The following RNF4 variants were observed in gnomAD, a reference collection of about 807,000 sequenced individuals.
The protein encoded by RNF4 is ring finger protein 4, also known as E3 ubiquitin-protein ligase RNF4.
A neutral mutation model predicts 24.3 loss-of-function variants in RNF4; 7 were observed. The observed-to-expected ratio is 0.29, with a 90% CI of 0.16 to 0.54. The LOEUF (loss-of-function observed/expected upper bound fraction) is 0.54. Among genes scored for constraint, RNF4 ranks in the 20% least tolerant of loss-of-function variants. The probability of loss-of-function intolerance (pLI) is 0.95; values close to 1 mark genes in which losing one functional copy is unlikely to be tolerated. For missense variants in RNF4, 209 were observed against 248.5 expected, an observed-to-expected ratio of 0.84 and a Z score of 1.07; for synonymous variants, 83 against 84.3, an observed-to-expected ratio of 0.98 and a Z score of 0.09.
chr4:2,511,634 G>A (rs1038981716), intron 4 of RNF4, among the ~76,000 whole-genome samples: 4 of 149,316 alleles, frequency 2.7e-5, no homozygotes, highest in African/African-American at 9.9e-5. Flanking sequence ...GCAGCCCCCA[G>A]ATAGTAAGGA....
At chr4:2,499,221 C>T in intron 3 of RNF4, 3 of 422,562 alleles carry the variant, frequency 7.1e-6, no homozygotes, top group South Asian at 5.1e-5. Flanking sequence ...AAATGCATTA[C>T]AAGACACTTT....
chr4:2,512,715 C>G lies in RNF4; in HGVS notation c.374+118C>G. ...CTGGAAGGGCTTGCCCAAGCCTCTA[C>G]CCAGCATCTGGATACAGTTGGAACT... On this transcript the variant is annotated intron_variant, in intron 6 of 7. Coordinates refer to ENST00000314289, the MANE Select transcript of RNF4 (RefSeq NM_002938.5). This position sits in a 1 kb window ranked among gnomAD's most constrained non-coding sequence, Gnocchi z 4.1. 2 of 1,182,518 alleles carry G rather than the reference C, an allele frequency of 1.7e-6. No individual in the cohort carries two copies. Among genetic ancestry groups the G allele is most frequent in the Non-Finnish European group, 2.3e-6 (2 of 851,896 alleles). 73.3% of individuals were successfully genotyped at this position (1,182,518 alleles called of 1,614,324 possible). A position where few individuals can be genotyped will look rare whatever the true frequency, so the allele number is the denominator to read the frequency against.
Position 2,489,753 on chromosome 4 carries a change from G to T in RNF4, c.-157-584G>T, listed in dbSNP as rs958950644. The T allele has an allele frequency of 7.2e-5, 11 of 152,222 alleles. 1 individual carries two copies. Among genetic ancestry groups the T allele is most frequent in the African/African-American group, 2.7e-4 (11 of 41,434 alleles). 9.4% of individuals were successfully genotyped at this position (152,222 alleles called of 1,614,324 possible). On this transcript the variant is annotated intron_variant, in intron 1 of 7. Coordinates refer to ENST00000314289, the MANE Select transcript of RNF4 (RefSeq NM_002938.5). The stretch of plus-strand genomic sequence containing the variant: ...TTACCGTGGTCGGCCTCGCTTCTCA[G>T]TGAAGTCCAAGGGCCTCGCAGCCTC...
chr4:2,484,187 AG>A (rs1313335301), intron 1 of RNF4, among the ~76,000 whole-genome samples: 9 of 151,178 alleles, frequency 6.0e-5, no homozygotes, highest in Non-Finnish European at 8.8e-5. Flanking sequence ...GTGGGGTTTG[AG>A]GGTTCTGTGT....
intron 1 of RNF4, among the ~76,000 whole-genome samples, chr4:2,487,442 C>T (rs1735445275): frequency 6.6e-6 from 1 of 152,180 alleles, no homozygotes; most frequent in Non-Finnish European, 1.5e-5. Flanking sequence ...CACACCACCA[C>T]ACCCGGCTAA....
At chr4:2,501,191 G>T (rs1192579833) in intron 4 of RNF4, among the ~76,000 whole-genome samples, 1 of 152,250 alleles carries the variant, frequency 6.6e-6, no homozygotes, top group Non-Finnish European at 1.5e-5. Context: ...GCAGGGCATG[G>T]TGTAAGACAT....
Position 2,513,225 on chromosome 4 carries a change from G to A in RNF4, c.423+94G>A, listed in dbSNP as rs1736319003. ...AGGATCTTCCCCCTCGGTGGGATTG[G>A]ACACCCCTACTCACAGTCATGCCTG... On this transcript the variant is annotated intron_variant, in intron 7 of 7. Coordinates refer to ENST00000314289, the MANE Select transcript of RNF4 (RefSeq NM_002938.5). The A allele has an allele frequency of 5.9e-6, 7 of 1,178,170 alleles. No homozygotes were observed. In the Admixed American group the frequency reaches 1.2e-4, roughly 20 times the overall value. 73.0% of individuals were successfully genotyped at this position (1,178,170 alleles called of 1,614,324 possible). A position where few individuals can be genotyped will look rare whatever the true frequency, so the allele number is the denominator to read the frequency against.
At chr4:2,484,163 A>G (rs1412733927) in intron 1 of RNF4, among the ~76,000 whole-genome samples, 2 of 144,570 alleles carry the variant, frequency 1.4e-5, no homozygotes, top group South Asian at 2.2e-4. Flanking sequence ...ATTGTATCAG[A>G]CTCTGCCTCC....
rs1041037342 is a variant in RNF4, at chr4:2,514,724, G to GC, written c.*910dup. 2.0e-5 allele frequency: 3 copies of GC among 152,792 alleles called. No homozygotes were observed. The highest frequency in any genetic ancestry group is 6.5e-5 in the Admixed American group (1 of 15,286). The allele number at this position is 152,792 out of a possible 1,614,324, so 9.5% of individuals were successfully genotyped here. A position where few individuals can be genotyped will look rare whatever the true frequency, so the allele number is the denominator to read the frequency against. On this transcript the variant is annotated 3_prime_UTR_variant, in exon 8 of 8. Coordinates refer to ENST00000314289, the MANE Select transcript of RNF4 (RefSeq NM_002938.5). The stretch of plus-strand genomic sequence containing the variant: ...CCTCAGTTCCCACTGCCTAACGTCT[G>GC]CCCCCGTGTAGATACTGAGAGGTGG...
intron 4 of RNF4, among the ~76,000 whole-genome samples, chr4:2,504,066 A>G (rs987120243): frequency 5.9e-5 from 9 of 152,332 alleles, no homozygotes; most frequent in East Asian, 3.9e-4. Context: ...AAAAAGAAAA[A>G]AAGACTGGAA....
intron 1 of RNF4, among the ~76,000 whole-genome samples, chr4:2,486,955 A>G (rs1735430081): frequency 6.6e-6 from 1 of 152,214 alleles, no homozygotes; most frequent in Admixed American, 6.5e-5. Flanking sequence ...ATGAGAACCC[A>G]GGACATGTGG....
chr4:2,489,114 A>T (rs1219481419), intron 1 of RNF4, among the ~76,000 whole-genome samples: 1 of 152,144 alleles, frequency 6.6e-6, no homozygotes, highest in Admixed American at 6.5e-5. Flanking sequence ...CACCCGGCCG[A>T]TGCCTGGATT....
chr4:2,469,163 G>A lies in RNF4; in HGVS notation c.-253G>A, dbSNP rs1248564322. 5 of 152,242 alleles carry A rather than the reference G, an allele frequency of 3.3e-5. No homozygotes were observed. Among genetic ancestry groups the A allele is most frequent in the Admixed American group, 6.5e-5 (1 of 15,280 alleles). 9.4% of individuals were successfully genotyped at this position (152,242 alleles called of 1,614,324 possible). ...TCTTTCTCGAGGAGCTCTCCTGGGC[G>A]GCTGAAGAAGGAGCTTCTTCTCCGG... On this transcript the variant is annotated 5_prime_UTR_variant, in exon 1 of 8. Transcript: ENST00000314289.
intron 1 of RNF4, among the ~76,000 whole-genome samples, chr4:2,488,527 A>G (rs1316257155): frequency 6.6e-6 from 1 of 152,082 alleles, no homozygotes; most frequent in Non-Finnish European, 1.5e-5. Flanking sequence ...GCTTGAGCAG[A>G]AGGTTGGAGC....
intron 1 of RNF4, among the ~76,000 whole-genome samples, chr4:2,476,188 A>G (rs931754735): frequency 6.6e-6 from 1 of 152,036 alleles, no homozygotes; most frequent in Non-Finnish European, 1.5e-5. Context: ...CTCACCTCTT[A>G]CTTTAGCCAA....
In RNF4 at chr4:2,512,160, T is replaced by C; in HGVS notation, c.214+195T>C. The C allele has an allele frequency of 3.1e-6, 2 of 646,900 alleles. No homozygotes were observed. Among genetic ancestry groups the C allele is most frequent in the Non-Finnish European group, 5.4e-6 (2 of 370,160 alleles). The allele number at this position is 646,900 out of a possible 1,614,324, so 40.1% of individuals were successfully genotyped here. On this transcript the variant is annotated intron_variant, in intron 5 of 7. Transcript: ENST00000314289. The surrounding 1 kb of genome is among the most constrained non-coding windows in gnomAD (Gnocchi z 4.1). ...GCCTGCTGAAGAAACTTCACCACTATCATTGAGCACTGAGCTATAGTCCTT... is the reference window on the plus strand; with the variant it reads ...GCCTGCTGAAGAAACTTCACCACTACCATTGAGCACTGAGCTATAGTCCTT...
intron 1 of RNF4, among the ~76,000 whole-genome samples, chr4:2,477,575 C>T (rs530837396): frequency 1.3e-4 from 19 of 151,926 alleles, no homozygotes; most frequent in African/African-American, 2.9e-4. Flanking sequence ...ACAGAGTAGA[C>T]TTAATCTAAA....
At chr4:2,482,232 G>T (rs1013759809) in intron 1 of RNF4, among the ~76,000 whole-genome samples, 5 of 152,194 alleles carry the variant, frequency 3.3e-5, no homozygotes, top group Admixed American at 3.3e-4. Context: ...CTCCCATCTG[G>T]TATGGGTCAA....
intron 1 of RNF4, among the ~76,000 whole-genome samples, chr4:2,482,203 G>T (rs1009036011): frequency 7.9e-5 from 12 of 152,230 alleles, no homozygotes; most frequent in Admixed American, 2.6e-4. Flanking sequence ...AATTCCCATT[G>T]TGGGGCACTG....
Sources: allele counts gnomAD v4.1 joint callset (sites outside exome capture counted in the v4.1 genomes callset), GRCh38; gene constraint gnomAD v4.1.1; non-coding constraint Gnocchi (gnomAD v3.1); transcripts MANE v1.5; gene names NCBI Gene and HGNC (gene_info 2026-07-23, HGNC 2026-07-21).